The following ADAMTS17 variants were observed in gnomAD, a reference collection of about 807,000 sequenced individuals.
ADAMTS17 encodes the protein A disintegrin and metalloproteinase with thrombospondin motifs 17.
Under a neutral mutation model 141.5 loss-of-function variants are expected in ADAMTS17, and 113 were observed. The ratio of observed to expected loss-of-function variants is 0.80; its 90% CI spans 0.69 to 0.93. The LOEUF (loss-of-function observed/expected upper bound fraction) is 0.93. Ranked by LOEUF, ADAMTS17 falls within the 40% of genes least tolerant of loss-of-function variation. The pLI is 0.00. For missense variants in ADAMTS17, 1,659 were observed against 1,517.9 expected, an observed-to-expected ratio of 1.09 and a Z score of -1.54; for synonymous variants, 768 against 630.6, an observed-to-expected ratio of 1.22 and a Z score of -3.27.
chr15:100,116,436 A>T (rs760256790), intron 13 of ADAMTS17, among the ~76,000 whole-genome samples: 2 of 152,252 alleles, frequency 1.3e-5, no homozygotes, highest in Non-Finnish European at 2.9e-5. Context: ...AAAATAAACC[A>T]AGAGAAGCAA....
chr15:100,218,879 G>A (rs964717555), intron 7 of ADAMTS17, among the ~76,000 whole-genome samples: 8 of 151,578 alleles, frequency 5.3e-5, no homozygotes, highest in African/African-American at 1.5e-4. Context: ...ACCTGAACAC[G>A]CAAACGTCCA....
intron 18 of ADAMTS17, among the ~76,000 whole-genome samples, chr15:100,039,307 T>C (rs1432964890): frequency 6.6e-6 from 1 of 152,202 alleles, no homozygotes; most frequent in Non-Finnish European, 1.5e-5. Flanking sequence ...TTGCTCCTCT[T>C]TCCAGTATCA....
intron 3 of ADAMTS17, among the ~76,000 whole-genome samples, chr15:100,301,022 C>G (rs1461565370): frequency 6.6e-6 from 1 of 152,228 alleles, no homozygotes; most frequent in Non-Finnish European, 1.5e-5. Context: ...CACTCCAAAC[C>G]TAGTGCCTAG....
chr15:100,095,187 C>A (rs962880981), intron 15 of ADAMTS17, among the ~76,000 whole-genome samples: 2 of 152,220 alleles, frequency 1.3e-5, no homozygotes, highest in Admixed American at 1.3e-4. Flanking sequence ...TCAGGAGCCA[C>A]GTGGCAGGCA....
At chr15:100,061,816 A>C (rs1030289048) in intron 15 of ADAMTS17, among the ~76,000 whole-genome samples, 4 of 152,200 alleles carry the variant, frequency 2.6e-5, no homozygotes, top group African/African-American at 4.8e-5. Context: ...TACCTCTTGG[A>C]ATACCCAGAC....
intron 4 of ADAMTS17, among the ~76,000 whole-genome samples, chr15:100,269,281 T>C (rs1469230558): frequency 6.6e-6 from 1 of 152,160 alleles, no homozygotes. Flanking sequence ...ACAAGTGAGA[T>C]CTATTAAACT....
intron 7 of ADAMTS17, among the ~76,000 whole-genome samples, chr15:100,252,912 A>G (rs2043197744): frequency 6.6e-6 from 1 of 152,174 alleles, no homozygotes; most frequent in Non-Finnish European, 1.5e-5. Context: ...CACCTAACCC[A>G]AAGTGATCAT....
At chr15:100,210,079 A>G (rs111973361) in intron 7 of ADAMTS17, among the ~76,000 whole-genome samples, 2,833 of 152,026 alleles carry the variant, frequency 0.019, 84 homozygotes, top group African/African-American at 0.064. Context: ...CTAAAAGTAC[A>G]AAAAATTAGC....
At chr15:100,246,716 T>C (rs1357195600) in intron 7 of ADAMTS17, among the ~76,000 whole-genome samples, 1 of 152,192 alleles carries the variant, frequency 6.6e-6, no homozygotes, top group Admixed American at 6.5e-5. Context: ...GACTACACTT[T>C]TTTTTTATTG....
chr15:100,205,919 T>C lies in ADAMTS17; in HGVS notation c.1076-6496A>G, dbSNP rs2041533372. Among the ~76,000 whole-genome samples, 8 of 152,294 alleles carry C rather than the reference T, an allele frequency of 5.3e-5. No homozygotes were observed. The South Asian group carries it at 1.7e-3, about 32-fold the overall frequency. The stretch of plus-strand genomic sequence containing the variant: ...CTGTGCCAGGGACCGAGCCCAGGTC[T>C]GGCCCCTCCAGAGGGCAAACAAGTG... On this transcript the variant is annotated intron_variant, in intron 7 of 21. Transcript: ENST00000268070.
intron 18 of ADAMTS17, among the ~76,000 whole-genome samples, chr15:100,018,421 G>A (rs1038156930): frequency 6.6e-6 from 1 of 152,210 alleles, no homozygotes; most frequent in Non-Finnish European, 1.5e-5. Flanking sequence ...CCTCGTGTTG[G>A]AGGAGGGGCC....
At chr15:100,160,396 G>A (rs2039636327) in intron 8 of ADAMTS17, among the ~76,000 whole-genome samples, 1 of 152,210 alleles carries the variant, frequency 6.6e-6, no homozygotes, top group South Asian at 2.1e-4. Context: ...AAACATGGAT[G>A]TTGCTTGGAA....
intron 9 of ADAMTS17, among the ~76,000 whole-genome samples, chr15:100,154,944 A>T (rs954607888): frequency 6.6e-5 from 10 of 152,208 alleles, no homozygotes; most frequent in Non-Finnish European, 1.5e-5. Context: ...TTGACATTTG[A>T]GTCGATCGGC....
chr15:100,152,519 G>A (rs1217053466), intron 10 of ADAMTS17, 93 bp downstream of exon 10: 15 of 1,551,196 alleles, frequency 9.7e-6, no homozygotes, highest in Non-Finnish European at 1.2e-5. Context: ...TGTGCTGAGT[G>A]TGAATGCCCA....
rs2044276651 is a variant in ADAMTS17 at position 100,281,372 on chromosome 15, A to G, written c.646T>C (p.Ser216Pro). ...TTCCTCCGCTCCCGCCAGTCCCGCGAAGGCCTGCCCCACGTCGGCTTCTTC... is the reference window on the plus strand; with the variant it reads ...TTCCTCCGCTCCCGCCAGTCCCGCGGAGGCCTGCCCCACGTCGGCTTCTTC... ...EKKKPTWGRP[S>P]RDWRERRNAI... The change falls in exon 4 of 22, where the codon TCG (serine) becomes CCG (proline). Residue 216 changes from serine (S) to proline (P), a missense_variant. By Grantham distance (74) the Ser-to-Pro change is moderately conservative (BLOSUM62 -1). Transcript: ENST00000268070. 1 of 1,612,530 alleles carries G rather than the reference A, an allele frequency of 6.2e-7. No homozygotes were observed. The highest frequency in any genetic ancestry group is 1.1e-5 in the South Asian group (1 of 91,058).
intron 7 of ADAMTS17, among the ~76,000 whole-genome samples, chr15:100,210,830 G>T (rs536873903): frequency 2.0e-5 from 3 of 150,818 alleles, no homozygotes; most frequent in Admixed American, 2.0e-4. Context: ...GGCCGGGCGC[G>T]GTGGCTCACG....
rs528335639 is a variant in ADAMTS17 at position 100,186,932 on chromosome 15, G to C, written c.1181+12386C>G. 1.8e-4 allele frequency among the ~76,000 whole-genome samples: 27 copies of C among 152,294 alleles called. No homozygotes were observed. The South Asian group carries it at 5.6e-3, about 32-fold the overall frequency. On this transcript the variant is annotated intron_variant, in intron 8 of 21. Coordinates refer to ENST00000268070, the MANE Select transcript of ADAMTS17 (RefSeq NM_139057.4). ...CATTTGTCTCATTTCCCTTTTGCAA[G>C]ATGGCATCTGCCTATTTTTAGTCTT...
chr15:100,070,889 G>A lies in ADAMTS17; in HGVS notation c.2138-16835C>T, dbSNP rs1217828647. On this transcript the variant is annotated intron_variant, in intron 15 of 21. Transcript: ENST00000268070. ...CTAGCAGAAGGCAAGAAATAACTAA[G>A]ATCAGAGCAGAACTGAAGGAAATAG... Among the ~76,000 whole-genome samples, 8 of 149,824 alleles carry A rather than the reference G, an allele frequency of 5.3e-5. 1 individual carries two copies. Among genetic ancestry groups the A allele is most frequent in the South Asian group, 4.2e-4 (2 of 4,748 alleles).
chr15:100,331,591 A>T (rs562692156), intron 2 of ADAMTS17, among the ~76,000 whole-genome samples: 47 of 152,260 alleles, frequency 3.1e-4, no homozygotes, highest in Non-Finnish European at 6.0e-4. Context: ...TCTCTCAAGG[A>T]AATCGAACCC....
Sources: allele counts gnomAD v4.1 joint callset (sites outside exome capture counted in the v4.1 genomes callset), GRCh38; gene constraint gnomAD v4.1.1; transcripts MANE v1.5; gene names NCBI Gene and HGNC (gene_info 2026-07-23, HGNC 2026-07-21).